Variants in FAM136A observed in about 807,000 individuals in gnomAD.
FAM136A encodes TIM double twin CX3C motif protein.
A neutral mutation model predicts 21.6 loss-of-function variants in FAM136A; 25 were observed. The observed-to-expected ratio is 1.16, with a 90% confidence interval of 0.84 to 1.62. The LOEUF is 1.62. FAM136A is among the 40% of genes most tolerant of loss of function. The pLI is 0.00. For synonymous variants in FAM136A, 119 were observed against 129.4 expected (o/e 0.92, Z 0.55); for missense variants, 338 against 332.0 (o/e 1.02, Z -0.14).
intron 2 of FAM136A, 55 bp from the exon 3 acceptor site, chr2:70,297,532 G>A: frequency 6.8e-7 from 1 of 1,477,794 alleles, no homozygotes; most frequent in African/African-American, 1.4e-5. Flanking sequence ...TCCATTTACT[G>A]CGTGCTCATT....
chr2:70,301,176 G>A, intron 1 of FAM136A, 196 bp from the exon 2 acceptor site: 1 of 774,548 alleles, frequency 1.3e-6, no homozygotes, highest in East Asian at 2.7e-5. Flanking sequence ...CTAGTGTAGT[G>A]TTTCATGGTG....
At chr2:70,299,361 G>T (rs1697333112) in intron 2 of FAM136A, among the ~76,000 whole-genome samples, 1 of 152,144 alleles carries the variant, frequency 6.6e-6, no homozygotes, top group Non-Finnish European at 1.5e-5. Flanking sequence ...AGAGGGGCTT[G>T]TGAGCCAGGA....
In FAM136A at chr2:70,297,127, A is replaced by G. The variant is rs1231831080; in HGVS notation, c.*162T>C. The stretch of plus-strand genomic sequence containing the variant: ...TTCCATTTCATTTTTTAGGGACTGA[A>G]ACATAAAATAACCAGTGTCCAGAGG... On this transcript the variant is annotated 3_prime_UTR_variant, in exon 3 of 3. Coordinates refer to ENST00000430566, the MANE Select transcript of FAM136A (RefSeq NM_001329752.2). The G allele has an allele frequency of 1.5e-6, 1 of 680,480 alleles. No homozygotes were observed. Among genetic ancestry groups the G allele is most frequent in the East Asian group, 2.8e-5 (1 of 36,234 alleles). 42.2% of individuals were successfully genotyped at this position (680,480 alleles called of 1,614,324 possible). A position where few individuals can be genotyped will look rare whatever the true frequency, so the allele number is the denominator to read the frequency against.
intron 2 of FAM136A, among the ~76,000 whole-genome samples, chr2:70,300,005 G>A (rs1402625337): frequency 6.7e-6 from 1 of 148,370 alleles, no homozygotes; most frequent in African/African-American, 2.5e-5. Flanking sequence ...AGTTTCAAGC[G>A]ATTCTCCTGC....
At chr2:70,301,248 G>A in intron 1 of FAM136A, 3 of 955,604 alleles carry the variant, frequency 3.1e-6, no homozygotes, top group South Asian at 1.8e-5. Flanking sequence ...AGGTTCGCCC[G>A]AGTGGGTGAG....
rs748392606 is a variant in FAM136A, at chr2:70,300,959, C to G, written c.430G>C (p.Ala144Pro). 1.2e-6 allele frequency: 2 copies of G among 1,612,334 alleles called. No individual in the cohort carries two copies. The highest frequency in any genetic ancestry group is 3.3e-5 in the Admixed American group (2 of 59,982). ...LPQGLMFRCS[A>P]SCCEDSQASM... ...GCCTGGCTGTCCTCACAACAGCTGG[C>G]GCTGCACCGGAACATGAGACCCTGG... The change falls in exon 2 of 3, where the codon GCC (alanine) becomes CCC (proline). Residue 144 changes from alanine (A) to proline (P), a missense_variant. Physicochemically the swap from Ala to Pro is conservative, Grantham distance 27 (BLOSUM62 -1). Transcript: ENST00000430566.
rs777631053 is a variant in FAM136A, at chr2:70,301,768, C to G, written c.244G>C (p.Gly82Arg). The G allele has an allele frequency of 6.5e-7, 1 of 1,544,676 alleles. No homozygotes were observed. ...ATTTCATCCGATCCGCCAAAGCTTC[C>G]GAAGTCCTGTCCGAGGCCGCCCCGG... ...GRRGGLGQDF[G>R]SFGGSDEIRV... The change falls in exon 1 of 3, where the codon GGA becomes CGA. Residue 82 changes from glycine to arginine, a missense_variant. Gly to Arg is a moderately radical substitution (Grantham distance 125). Transcript: ENST00000430566.
chr2:70,300,908 T>G lies in FAM136A; in HGVS notation c.481A>C (p.Ile161Leu). The G allele has an allele frequency of 6.2e-7, 1 of 1,613,772 alleles. No individual in the cohort carries two copies. Among genetic ancestry groups the G allele is most frequent in the Non-Finnish European group, 8.5e-7 (1 of 1,179,718 alleles). ...GCCAGAGGCACATGGCAGCGCTCGA[T>G]GCACTGGTGCACCTGCTTCATGGAG... Reference protein sequence around the residue: ...QASMKQVHQCIERCHVPLAQA... With the variant: ...QASMKQVHQCLERCHVPLAQA... The change falls in exon 2 of 3, where the codon ATC becomes CTC. Residue 161 changes from isoleucine to leucine, a missense_variant. By Grantham distance (5) the Ile-to-Leu change is conservative. Coordinates refer to ENST00000430566, the MANE Select transcript of FAM136A (RefSeq NM_001329752.2).
intron 2 of FAM136A, 23 bp downstream of exon 2, chr2:70,300,817 G>T: frequency 1.3e-6 from 2 of 1,588,340 alleles, no homozygotes; most frequent in East Asian, 2.3e-5. Flanking sequence ...GGACTACAGT[G>T]CTCTGTCTAG....
intron 1 of FAM136A, chr2:70,301,362 A>AC (rs1254882854): frequency 5.4e-6 from 8 of 1,491,566 alleles, no homozygotes; most frequent in Non-Finnish European, 7.1e-6. Context: ...AGGGCAGCCG[A>AC]CCCACTAATC....
At chr2:70,300,658 A>T in intron 2 of FAM136A, 182 bp downstream of exon 2, 2 of 625,528 alleles carry the variant, frequency 3.2e-6, no homozygotes, top group Non-Finnish European at 5.5e-6. Flanking sequence ...TGTTCAACTT[A>T]AGGCACTCGA....
At position 70,301,729 on chromosome 2, in the gene FAM136A, G is replaced by T; in HGVS notation, c.283C>A (p.Pro95Thr). ...GGSDEIRVPL[P>T]CARLFSAPSS... ...GGGGCGGAAAACAGCCTCGCGCACG[G>T]CAAGGGCACACGGATTTCATCCGAT... Residue 95 changes from proline (P) to threonine (T), a missense_variant, in exon 1 of 3, where the codon CCG (proline) becomes ACG (threonine). Transcript: ENST00000430566. 6.5e-7 allele frequency: 1 copy of T among 1,537,668 alleles called. No individual in the cohort carries two copies. The highest frequency in any genetic ancestry group is 8.7e-7 in the Non-Finnish European group (1 of 1,146,484).
Position 70,297,185 on chromosome 2 carries a change from C to T in FAM136A, c.*104G>A. The T allele has an allele frequency of 8.3e-7, 1 of 1,206,466 alleles. No individual in the cohort carries two copies. Among genetic ancestry groups the T allele is most frequent in the East Asian group, 2.5e-5 (1 of 39,516 alleles). The allele number at this position is 1,206,466 out of a possible 1,614,324, so 74.7% of individuals were successfully genotyped here. Reference sequence around the variant, plus strand: ...CATATGCCTTACGCTTGTGGCCATCCTTCATTTCTTCATTCGTAAACTTTG... The same window carrying T: ...CATATGCCTTACGCTTGTGGCCATCTTTCATTTCTTCATTCGTAAACTTTG... On this transcript the variant is annotated 3_prime_UTR_variant, in exon 3 of 3. Transcript: ENST00000430566.
Position 70,296,569 on chromosome 2 carries a change from A to G in FAM136A, c.*720T>C, listed in dbSNP as rs1289120886. On this transcript the variant is annotated 3_prime_UTR_variant, in exon 3 of 3. Coordinates refer to ENST00000430566, the MANE Select transcript of FAM136A (RefSeq NM_001329752.2). ...TCAGCCAGTAATTCTGCTTCCCATAATTAGTGTGTCATCACCTCTCATGTT... is the reference window on the plus strand; with the variant it reads ...TCAGCCAGTAATTCTGCTTCCCATAGTTAGTGTGTCATCACCTCTCATGTT... The G allele has an allele frequency of 6.6e-6, 1 of 152,188 alleles. No homozygotes were observed. Among genetic ancestry groups the G allele is most frequent in the Admixed American group, 6.5e-5 (1 of 15,278 alleles). 9.4% of individuals were successfully genotyped at this position (152,188 alleles called of 1,614,324 possible).
At position 70,297,406 on chromosome 2, in the gene FAM136A, C is replaced by G. The variant is rs1226664692; in HGVS notation, c.621G>C (p.Glu207Asp). 1 of 1,613,912 alleles carries G rather than the reference C, an allele frequency of 6.2e-7. No individual in the cohort carries two copies. The highest frequency in any genetic ancestry group is 1.3e-5 in the African/African-American group (1 of 74,916). Residue 207 changes from glutamate to aspartate, a missense_variant, in exon 3 of 3, where the codon GAG becomes GAC. Coordinates refer to ENST00000430566, the MANE Select transcript of FAM136A (RefSeq NM_001329752.2). ...AKDSIDAGSKELQVKQQLDSC... is the reference protein window; with the variant it reads ...AKDSIDAGSKDLQVKQQLDSC... Reference sequence around the variant, plus strand: ...TGTCCAGCTGCTGCTTCACCTGAAGCTCCTTACTCCCAGCATCTATTGAAT... The same window carrying G: ...TGTCCAGCTGCTGCTTCACCTGAAGGTCCTTACTCCCAGCATCTATTGAAT...
rs1379801046 is a variant in FAM136A, at chr2:70,301,096, T to A, written c.409-116A>T. ...TATTTGCACCTCTCTCTCCACCTTC[T>A]GCTTTCACCTTCCCTGAGAATAGAC... On this transcript the variant is annotated intron_variant, in intron 1 of 2. Coordinates refer to ENST00000430566, the MANE Select transcript of FAM136A (RefSeq NM_001329752.2). 11 of 1,226,818 alleles carry A rather than the reference T, an allele frequency of 9.0e-6. No homozygotes were observed. In the East Asian group the frequency reaches 2.2e-4, roughly 24 times the overall value. The allele number at this position is 1,226,818 out of a possible 1,614,324, so 76.0% of individuals were successfully genotyped here.
At chr2:70,297,532 G>C in intron 2 of FAM136A, 55 bp from the exon 3 acceptor site, 2 of 1,477,794 alleles carry the variant, frequency 1.4e-6, no homozygotes, top group South Asian at 2.4e-5. Context: ...TCCATTTACT[G>C]CGTGCTCATT....
chr2:70,301,756 C>A lies in FAM136A; in HGVS notation c.256G>T (p.Gly86Ter). The change falls in exon 1 of 3, where the codon GGA (glycine) becomes TGA (stop). Residue 86 changes from glycine (G) to a stop codon, truncating the protein, a stop_gained. Coordinates refer to ENST00000430566, the MANE Select transcript of FAM136A (RefSeq NM_001329752.2). LOFTEE classifies it high-confidence loss of function. ...GLGQDFGSFG[G>*]SDEIRVPLPC... is the part of the protein sequence containing the mutation. ...AAGGGCACACGGATTTCATCCGATC[C>A]GCCAAAGCTTCCGAAGTCCTGTCCG... is the stretch of plus-strand genomic sequence containing the variant. 2 of 1,542,208 alleles carry A rather than the reference C, an allele frequency of 1.3e-6. No homozygotes were observed. The highest frequency in any genetic ancestry group is 1.7e-6 in the Non-Finnish European group (2 of 1,146,384).
chr2:70,300,104 G>A (rs1697355774), intron 2 of FAM136A, among the ~76,000 whole-genome samples: 1 of 151,920 alleles, frequency 6.6e-6, no homozygotes, highest in African/African-American at 2.4e-5. Flanking sequence ...GTTTCACCAT[G>A]TTGGCCAGGA....
Sources: allele counts gnomAD v4.1 joint callset (sites outside exome capture counted in the v4.1 genomes callset), GRCh38; gene constraint gnomAD v4.1.1; transcripts MANE v1.5; gene names NCBI Gene and HGNC (gene_info 2026-07-23, HGNC 2026-07-21).